Variants in LRBA observed in about 807,000 individuals in gnomAD.
LRBA encodes lipopolysaccharide-responsive and beige-like anchor protein.
Under a neutral mutation model 330.0 loss-of-function variants are expected in LRBA, and 176 were observed. That is an observed-to-expected ratio of 0.53 (90% CI 0.47 to 0.60). The LOEUF (loss-of-function observed/expected upper bound fraction) is 0.60. Among genes scored for constraint, LRBA ranks in the 20% least tolerant of loss-of-function variants. LRBA has a pLI of 0.00. For synonymous variants in LRBA, 1,230 were observed against 1,193.0 expected (o/e 1.03, Z -0.64); for missense variants, 3,259 against 3,444.8 (o/e 0.95, Z 1.35).
intron 36 of LRBA, among the ~76,000 whole-genome samples, chr4:150,694,571 G>A (rs1456211613): frequency 1.3e-5 from 2 of 150,900 alleles, no homozygotes; most frequent in African/African-American, 4.9e-5. Flanking sequence ...CAATGACAAT[G>A]TGTGACAGCC....
intron 36 of LRBA, among the ~76,000 whole-genome samples, chr4:150,725,397 A>G (rs1040939673): frequency 1.3e-5 from 2 of 152,336 alleles, no homozygotes; most frequent in African/African-American, 4.8e-5. Context: ...CAGACTTTTC[A>G]GCGGAAACCT....
chr4:150,335,477 G>A (rs561171904), intron 48 of LRBA, among the ~76,000 whole-genome samples: 25 of 108,282 alleles, frequency 2.3e-4, no homozygotes, highest in Non-Finnish European at 4.3e-4. Context: ...ATATATATAC[G>A]TATATATGTG....
At chr4:150,485,927 G>A (rs1164890740) in intron 42 of LRBA, among the ~76,000 whole-genome samples, 1 of 151,922 alleles carries the variant, frequency 6.6e-6, no homozygotes, top group Admixed American at 6.6e-5. Context: ...GTTGCCAGAG[G>A]CAGAGGAGTG....
At chr4:150,905,755 G>A in intron 13 of LRBA, 83 bp downstream of exon 13, 1 of 1,249,568 alleles carries the variant, frequency 8.0e-7, no homozygotes, top group Non-Finnish European at 1.1e-6. Context: ...ATAAAAAAAA[G>A]AAAATCCTCT....
chr4:151,008,286 G>C (rs1471669074), intron 2 of LRBA, among the ~76,000 whole-genome samples: 1 of 151,856 alleles, frequency 6.6e-6, no homozygotes, highest in Non-Finnish European at 1.5e-5. Context: ...TATCCATGTT[G>C]GTCAGGCTGG....
chr4:150,833,906 T>A (rs1482358392), intron 28 of LRBA, among the ~76,000 whole-genome samples: 3 of 152,232 alleles, frequency 2.0e-5, no homozygotes. Flanking sequence ...TTAGGTAATA[T>A]TCTAAATCCT....
intron 34 of LRBA, among the ~76,000 whole-genome samples, chr4:150,795,124 A>G (rs966012878): frequency 1.3e-5 from 2 of 152,152 alleles, no homozygotes; most frequent in Non-Finnish European, 2.9e-5. Flanking sequence ...GTCAGACTGA[A>G]TTAGGACTAG....
At chr4:150,579,862 G>A (rs1481770396) in intron 40 of LRBA, 2 of 376,590 alleles carry the variant, frequency 5.3e-6, no homozygotes, top group African/African-American at 2.1e-5. Context: ...CGAACCAGAC[G>A]CAACGACGAA....
At chr4:150,815,644 T>A (rs1744469068) in intron 31 of LRBA, among the ~76,000 whole-genome samples, 1 of 151,784 alleles carries the variant, frequency 6.6e-6, no homozygotes, top group Non-Finnish European at 1.5e-5. Context: ...AGAAAAAAAA[T>A]TCTAATCACT....
At chr4:150,346,314 ACAAAT>A (rs562446737) in intron 48 of LRBA, among the ~76,000 whole-genome samples, 1 of 151,864 alleles carries the variant, frequency 6.6e-6, no homozygotes, top group Non-Finnish European at 1.5e-5. Context: ...TAATATAAAA[ACAAAT>A]TAAGGTGTGA....
chr4:150,267,569 A>ATATC (rs1337780832), intron 56 of LRBA, among the ~76,000 whole-genome samples: 2 of 152,212 alleles, frequency 1.3e-5, no homozygotes, highest in Non-Finnish European at 2.9e-5. Flanking sequence ...AGATTTAAAA[A>ATATC]TATCTCAAAT....
intron 36 of LRBA, among the ~76,000 whole-genome samples, chr4:150,726,391 A>G (rs1729670343): frequency 6.6e-6 from 1 of 152,238 alleles, no homozygotes; most frequent in South Asian, 2.1e-4. Flanking sequence ...TTGTAAAAAG[A>G]GACAAAGACG....
At chr4:150,383,530 G>A (rs527786935) in intron 47 of LRBA, among the ~76,000 whole-genome samples, 1 of 152,288 alleles carries the variant, frequency 6.6e-6, no homozygotes, top group African/African-American at 2.4e-5. Context: ...TGGGGTTACA[G>A]GGGTAAACCA....
At chr4:150,673,830 T>A (rs1346026186) in intron 37 of LRBA, among the ~76,000 whole-genome samples, 1 of 152,232 alleles carries the variant, frequency 6.6e-6, no homozygotes. Context: ...ATACTAATAT[T>A]TGAATAATAT....
chr4:150,705,235 T>C (rs560405584), intron 36 of LRBA, among the ~76,000 whole-genome samples: 1 of 152,172 alleles, frequency 6.6e-6, no homozygotes, highest in South Asian at 2.1e-4. Flanking sequence ...CTTTTATTAA[T>C]AAAGCTAATG....
intron 56 of LRBA, among the ~76,000 whole-genome samples, chr4:150,268,272 T>C (rs1468663632): frequency 2.0e-5 from 3 of 151,832 alleles, no homozygotes; most frequent in South Asian, 2.1e-4. Context: ...AGTGAAGAGA[T>C]TGAATCAGTA....
chr4:150,889,300 A>G (rs1257363178), intron 17 of LRBA, among the ~76,000 whole-genome samples: 1 of 152,174 alleles, frequency 6.6e-6, no homozygotes, highest in Non-Finnish European at 1.5e-5. Context: ...CAAAAAAAAA[A>G]AAAATTGCAA....
chr4:150,863,454 G>A (rs1020713200), intron 22 of LRBA, among the ~76,000 whole-genome samples: 2 of 152,124 alleles, frequency 1.3e-5, no homozygotes, highest in African/African-American at 4.8e-5. Context: ...CTGAGGTCAG[G>A]AGTTCGAGAC....
At chr4:150,868,378 T>G in intron 20 of LRBA, 73 bp from the exon 21 acceptor site, 1 of 1,079,468 alleles carries the variant, frequency 9.3e-7, no homozygotes, top group South Asian at 2.3e-5. Context: ...ATCCATCTAT[T>G]GCAATTTCTT....
Sources: gnomAD v4.1 joint callset for allele counts (sites outside exome capture counted in the v4.1 genomes callset) on GRCh38, gnomAD v4.1.1 for gene constraint, MANE v1.5 for transcripts, NCBI Gene and HGNC (gene_info 2026-07-23, HGNC 2026-07-21) for gene names.